Variants in MAP3K20 observed in about 807,000 individuals in gnomAD.
MAP3K20 encodes HCCS-4.
A neutral mutation model predicts 85.7 loss-of-function variants in MAP3K20; 40 were observed. The observed-to-expected ratio is 0.47, with a 90% CI of 0.36 to 0.61. The LOEUF (loss-of-function observed/expected upper bound fraction) is 0.61, where lower values mean the gene tolerates loss of function less well. MAP3K20 is among the 20% of genes least tolerant of loss of function. The pLI is 0.00. For missense variants in MAP3K20, 817 were observed against 961.7 expected (o/e 0.85, Z 1.99); for synonymous variants, 325 against 327.7 (o/e 0.99, Z 0.09).
chr2:173,226,127 T>TA, intron 11 of MAP3K20: 1 of 983,360 alleles, frequency 1.0e-6, no homozygotes, highest in Non-Finnish European at 1.2e-6. Context: ...GTGAATTTGT[T>TA]AGACTTTTAA....
chr2:173,180,000 T>C (rs1040076103), intron 3 of MAP3K20, among the ~76,000 whole-genome samples: 3 of 152,208 alleles, frequency 2.0e-5, no homozygotes, highest in African/African-American at 7.2e-5. Flanking sequence ...TACATATTTA[T>C]GGTTTAGAAG....
At chr2:173,079,872 C>A (rs1473907752) in intron 1 of MAP3K20, among the ~76,000 whole-genome samples, 1 of 151,772 alleles carries the variant, frequency 6.6e-6, no homozygotes, top group Non-Finnish European at 1.5e-5. Flanking sequence ...TCCTGAAGGA[C>A]CTGCCTCAGT....
intron 11 of MAP3K20, 36 bp downstream of exon 11, chr2:173,217,286 C>A: frequency 6.7e-7 from 1 of 1,483,274 alleles, no homozygotes; most frequent in Non-Finnish European, 9.0e-7. Context: ...TTTCCACATG[C>A]GGCTCTAGGC....
intron 7 of MAP3K20, among the ~76,000 whole-genome samples, chr2:173,197,119 T>TAA (rs915657127): frequency 5.3e-5 from 8 of 152,236 alleles, no homozygotes; most frequent in African/African-American, 1.9e-4. Flanking sequence ...CTATTACTGA[T>TAA]AAAACTAGAA....
In MAP3K20 at chr2:173,196,404, G is replaced by A. The variant is rs1690841863; in HGVS notation, c.583-1622G>A. On this transcript the variant is annotated intron_variant, in intron 7 of 19. Transcript: ENST00000375213. ...TTTACGTGTGGTGTTCACTAGAATT[G>A]TCCCCTTGTGGGATGCCCCTTACCT... 8.5e-5 allele frequency among the ~76,000 whole-genome samples: 13 copies of A among 152,240 alleles called. No individual in the cohort carries two copies. The South Asian group carries it at 2.5e-3, about 29-fold the overall frequency.
At chr2:173,256,554 G>C (rs1029408659) in intron 16 of MAP3K20, among the ~76,000 whole-genome samples, 1 of 148,674 alleles carries the variant, frequency 6.7e-6, no homozygotes, top group South Asian at 2.2e-4. Context: ...GACAGATAGA[G>C]AGAATGTGCA....
At chr2:173,191,293 G>C (rs1004854173) in intron 7 of MAP3K20, 116 bp downstream of exon 7, 8 of 1,401,576 alleles carry the variant, frequency 5.7e-6, no homozygotes, top group Non-Finnish European at 7.6e-6. Flanking sequence ...ACTGCTGGTG[G>C]AATGCCTAAA....
chr2:173,152,403 CAG>C (rs2106228805), intron 2 of MAP3K20, among the ~76,000 whole-genome samples: 1 of 152,240 alleles, frequency 6.6e-6, no homozygotes, highest in South Asian at 2.1e-4. Context: ...CTGGAGAACT[CAG>C]AATACAGATT....
At position 173,261,126 on chromosome 2, in the gene MAP3K20, G is replaced by A. The variant is rs955598509; in HGVS notation, c.1540G>A (p.Val514Ile). 8 of 1,613,504 alleles carry A rather than the reference G, an allele frequency of 5.0e-6. No homozygotes were observed. The Admixed American group carries it at 6.7e-5, about 13-fold the overall frequency. The change falls in exon 18 of 20, where the codon GTC (valine) becomes ATC (isoleucine). Residue 514 changes from valine (V) to isoleucine (I), a missense_variant. Transcript: ENST00000375213. ...AAAAAGTCAGACTGTGGAGTGCACT[G>A]TCACATATGAGGTAAGCTCTGGGGG... Reference protein sequence around the residue: ...IAKSQTVECTVTYESDVRTPK... With the variant: ...IAKSQTVECTITYESDVRTPK...
intron 2 of MAP3K20, among the ~76,000 whole-genome samples, chr2:173,115,505 C>T (rs1265452471): frequency 6.6e-6 from 1 of 151,954 alleles, no homozygotes; most frequent in Middle Eastern, 3.2e-3. Flanking sequence ...CTTATATTAC[C>T]AGAGTTGGGT....
intron 1 of MAP3K20, among the ~76,000 whole-genome samples, chr2:173,083,414 C>T (rs1041339569): frequency 2.6e-5 from 4 of 151,562 alleles, no homozygotes; most frequent in South Asian, 2.1e-4. Context: ...AGTGCAGTGG[C>T]GTAATCATAG....
intron 14 of MAP3K20, among the ~76,000 whole-genome samples, chr2:173,235,475 T>C (rs1684627213): frequency 6.6e-6 from 1 of 152,170 alleles, no homozygotes; most frequent in African/African-American, 2.4e-5. Flanking sequence ...TGATGCTAAA[T>C]GAAAGAAGCC....
chr2:173,130,895 G>C (rs557940810), intron 2 of MAP3K20, among the ~76,000 whole-genome samples: 1 of 152,294 alleles, frequency 6.6e-6, no homozygotes, highest in South Asian at 2.1e-4. Flanking sequence ...CAAGGTTTTA[G>C]GATCTATCAA....
intron 11 of MAP3K20, chr2:173,223,194 G>A: frequency 2.0e-6 from 2 of 985,426 alleles, no homozygotes; most frequent in Non-Finnish European, 2.4e-6. Flanking sequence ...TTCTGGGTGT[G>A]AGGTGTACAG....
intron 2 of MAP3K20, among the ~76,000 whole-genome samples, chr2:173,131,772 T>A (rs1013138716): frequency 6.6e-6 from 1 of 152,066 alleles, no homozygotes; most frequent in Non-Finnish European, 1.5e-5. Context: ...GAACCTCAGG[T>A]TGCCTTGGGG....
chr2:173,173,667 G>A (rs3769178), intron 3 of MAP3K20, among the ~76,000 whole-genome samples: 3,282 of 152,212 alleles, frequency 0.022, 61 homozygotes, highest in South Asian at 0.046. Flanking sequence ...TAGTCAATTA[G>A]AGACAAGTGT....
chr2:173,121,347 A>G (rs1429389121), intron 2 of MAP3K20, among the ~76,000 whole-genome samples: 2 of 152,188 alleles, frequency 1.3e-5, no homozygotes, highest in African/African-American at 4.8e-5. Flanking sequence ...CCGTGAGGCA[A>G]CTGATGAAGA....
intron 16 of MAP3K20, among the ~76,000 whole-genome samples, chr2:173,240,109 C>T (rs10930580): frequency 1.3e-5 from 2 of 152,208 alleles, no homozygotes; most frequent in African/African-American, 4.8e-5. Flanking sequence ...ACCAGGCATA[C>T]AGTACTGAAG....
chr2:173,251,055 T>C (rs896348230), intron 16 of MAP3K20, among the ~76,000 whole-genome samples: 2 of 152,176 alleles, frequency 1.3e-5, no homozygotes, highest in Non-Finnish European at 1.5e-5. Flanking sequence ...GCAACGCATA[T>C]AAAGGAGCCT....
Sources: allele counts gnomAD v4.1 joint callset (sites outside exome capture counted in the v4.1 genomes callset), GRCh38; gene constraint gnomAD v4.1.1; transcripts MANE v1.5; gene names NCBI Gene and HGNC (gene_info 2026-07-23, HGNC 2026-07-21).